Variants in LIX1L observed in about 807,000 individuals in gnomAD.
The protein encoded by LIX1L is LIX1-like protein.
LIX1L carries 20 observed loss-of-function variants against 34.0 expected under a neutral mutation model. The ratio of observed to expected loss-of-function variants is 0.59; its 90% CI spans 0.41 to 0.85. The LOEUF (loss-of-function observed/expected upper bound fraction) is 0.85. Among genes scored for constraint, LIX1L ranks in the 40% least tolerant of loss-of-function variants. The pLI, the probability that LIX1L is intolerant of heterozygous loss-of-function variation, is 0.00. For missense variants in LIX1L, 397 were observed against 447.0 expected (o/e 0.89, Z 1.01); for synonymous variants, 170 against 187.4 (o/e 0.91, Z 0.76).
chr1:145,935,959 A>G lies in LIX1L; in HGVS notation c.*351T>C. ...AGGGTGGGGCACATAATCCTTATTC[A>G]AGTTACCTGATATTTGAAAAGAAGG... is the stretch of plus-strand genomic sequence containing the variant. On this transcript the variant is annotated 3_prime_UTR_variant, in exon 6 of 6. Coordinates refer to ENST00000604000, the MANE Select transcript of LIX1L (RefSeq NM_153713.3). 1 of 264,354 alleles carries G rather than the reference A, an allele frequency of 3.8e-6. No homozygotes were observed. 16.4% of individuals were successfully genotyped at this position (264,354 alleles called of 1,614,324 possible). A position where few individuals can be genotyped will look rare whatever the true frequency, so the allele number is the denominator to read the frequency against.
chr1:145,956,054 T>C (rs1486621300), intron 1 of LIX1L, among the ~76,000 whole-genome samples: 1 of 152,246 alleles, frequency 6.6e-6, no homozygotes, highest in Non-Finnish European at 1.5e-5. Context: ...TCCCTTGATC[T>C]TGACTTAGAG....
chr1:145,951,925 T>C (rs1331409203), intron 1 of LIX1L, among the ~76,000 whole-genome samples: 6 of 152,206 alleles, frequency 3.9e-5, no homozygotes, highest in African/African-American at 1.4e-4. Context: ...CCAAGGGACA[T>C]GGGGAGTCTT....
rs1475358896 is a variant in LIX1L at position 145,935,143 on chromosome 1, G to A, written c.*1167C>T. 6.6e-6 allele frequency: 1 copy of A among 151,202 alleles called. No homozygotes were observed. The highest frequency in any genetic ancestry group is 1.5e-5 in the Non-Finnish European group (1 of 67,946). The allele number at this position is 151,202 out of a possible 1,614,324, so 9.4% of individuals were successfully genotyped here. A position where few individuals can be genotyped will look rare whatever the true frequency, so the allele number is the denominator to read the frequency against. ...GATCACGCCACTGCACTCCAGCCTGGGCAAAAGTGTGAGACTCTGTCTTCC... is the reference window on the plus strand; with the variant it reads ...GATCACGCCACTGCACTCCAGCCTGAGCAAAAGTGTGAGACTCTGTCTTCC... On this transcript the variant is annotated 3_prime_UTR_variant, in exon 6 of 6. Transcript: ENST00000604000.
chr1:145,957,372 G>C (rs1553760486), intron 1 of LIX1L, among the ~76,000 whole-genome samples: 1 of 152,206 alleles, frequency 6.6e-6, no homozygotes, highest in African/African-American at 2.4e-5. Context: ...CATTTCTAAA[G>C]GAGAAAAGCT....
At chr1:145,951,326 C>T (rs1470452805) in intron 1 of LIX1L, among the ~76,000 whole-genome samples, 1 of 152,196 alleles carries the variant, frequency 6.6e-6, no homozygotes, top group Non-Finnish European at 1.5e-5. Flanking sequence ...GGATTACAGG[C>T]GTGAGCCACC....
intron 3 of LIX1L, among the ~76,000 whole-genome samples, chr1:145,940,521 ATTTT>A (rs71926082): frequency 1.9e-5 from 1 of 53,862 alleles, no homozygotes; most frequent in Non-Finnish European, 3.5e-5. Flanking sequence ...TAATTTTTGT[ATTTT>A]TTCTTTTTTT....
At chr1:145,946,396 A>C (rs1306954373) in intron 2 of LIX1L, among the ~76,000 whole-genome samples, 2 of 151,886 alleles carry the variant, frequency 1.3e-5, no homozygotes, top group Non-Finnish European at 1.5e-5. Flanking sequence ...ACGGGGTTTC[A>C]CCATGTTGGT....
chr1:145,938,299 G>A (rs1648745790), intron 3 of LIX1L, among the ~76,000 whole-genome samples: 2 of 152,032 alleles, frequency 1.3e-5, no homozygotes, highest in Non-Finnish European at 2.9e-5. Flanking sequence ...TAGCAGTGTG[G>A]TCTCCTGGAC....
At chr1:145,945,813 C>T (rs746960723) in intron 2 of LIX1L, among the ~76,000 whole-genome samples, 2 of 148,442 alleles carry the variant, frequency 1.3e-5, no homozygotes, top group Admixed American at 6.8e-5. Flanking sequence ...ACAGGCTGGG[C>T]GCAGTGGCTC....
chr1:145,957,313 G>C (rs1553760468), intron 1 of LIX1L, among the ~76,000 whole-genome samples: 1 of 152,218 alleles, frequency 6.6e-6, no homozygotes, highest in Non-Finnish European at 1.5e-5. Flanking sequence ...ATGAGGACTG[G>C]TTCTCAAAGG....
At chr1:145,951,734 C>T (rs1649306546) in intron 1 of LIX1L, among the ~76,000 whole-genome samples, 1 of 152,106 alleles carries the variant, frequency 6.6e-6, no homozygotes, top group Non-Finnish European at 1.5e-5. Context: ...CAGTTTAGCA[C>T]AATGCACTGG....
chr1:145,943,337 A>G (rs1268963380), intron 2 of LIX1L, among the ~76,000 whole-genome samples: 2 of 152,188 alleles, frequency 1.3e-5, no homozygotes, highest in East Asian at 3.8e-4. Flanking sequence ...AGAAGCACCC[A>G]TCTTGGAATC....
intron 1 of LIX1L, among the ~76,000 whole-genome samples, chr1:145,954,822 G>A (rs782392430): frequency 3.3e-5 from 5 of 152,130 alleles, no homozygotes; most frequent in Non-Finnish European, 5.9e-5. Flanking sequence ...CTTTATATTC[G>A]TTGTCTTATT....
chr1:145,937,553 G>A (rs782574636), intron 4 of LIX1L, 51 bp downstream of exon 4: 1 of 1,087,462 alleles, frequency 9.2e-7, no homozygotes, highest in East Asian at 2.4e-5. Flanking sequence ...ATATATTACA[G>A]TAGCAGGCTG....
Position 145,936,525 on chromosome 1 carries a change from C to G in LIX1L, c.799G>C (p.Ala267Pro), listed in dbSNP as rs1648652079. 1.2e-6 allele frequency: 2 copies of G among 1,613,942 alleles called. No individual in the cohort carries two copies. Among genetic ancestry groups the G allele is most frequent in the African/African-American group, 2.7e-5 (2 of 74,874 alleles). Residue 267 changes from alanine (A) to proline (P), a missense_variant, in exon 6 of 6, where the codon GCC becomes CCC. By Grantham distance (27) the Ala-to-Pro change is conservative. Transcript: ENST00000604000. ...TGGTGGCGAATATCATCATCCAGGG[C>G]CCGGTGCGAATAATGAGCCAACACC... ...QEVLAHYSHR[A>P]LDDDIRHQMA...
At chr1:145,945,216 G>A (rs1423520183) in intron 2 of LIX1L, among the ~76,000 whole-genome samples, 1 of 149,238 alleles carries the variant, frequency 6.7e-6, no homozygotes, top group Non-Finnish European at 1.5e-5. Context: ...AGGGAGAACT[G>A]CTTGAACCTG....
chr1:145,957,494 T>G (rs587635710), intron 1 of LIX1L, 142 bp downstream of exon 1: 2 of 1,185,502 alleles, frequency 1.7e-6, no homozygotes, highest in Non-Finnish European at 2.2e-6. Context: ...TGTGCGTCTG[T>G]GCGTGTGCGT....
chr1:145,941,608 T>C (rs1648920368), intron 3 of LIX1L, among the ~76,000 whole-genome samples: 1 of 152,112 alleles, frequency 6.6e-6, no homozygotes, highest in African/African-American at 2.4e-5. Flanking sequence ...TGACTATTAA[T>C]GAATTTGTGG....
chr1:145,938,626 C>T (rs1178053015), intron 3 of LIX1L, among the ~76,000 whole-genome samples: 2 of 149,430 alleles, frequency 1.3e-5, no homozygotes, highest in African/African-American at 4.9e-5. Context: ...GTTGCTCTGT[C>T]GCCCAGGATG....
Sources: gnomAD v4.1 joint callset for allele counts (sites outside exome capture counted in the v4.1 genomes callset) on GRCh38, gnomAD v4.1.1 for gene constraint, MANE v1.5 for transcripts, NCBI Gene and HGNC (gene_info 2026-07-23, HGNC 2026-07-21) for gene names.